Variants in CHM observed in about 807,000 individuals in gnomAD.
CHM encodes the protein CHM Rab escort protein, also known as rab proteins geranylgeranyltransferase component A 1.
A neutral mutation model predicts 49.0 loss-of-function variants in CHM; 10 were observed. The ratio of observed to expected loss-of-function variants is 0.20; its 90% confidence interval spans 0.13 to 0.35. The LOEUF (loss-of-function observed/expected upper bound fraction) is 0.35, where lower values mean the gene tolerates loss of function less well. CHM is among the 10% of genes least tolerant of loss of function. The pLI is 1.00. For missense variants in CHM, 455 were observed against 478.4 expected (o/e 0.95, Z 0.46); for synonymous variants, 184 against 167.5 (o/e 1.10, Z -0.76).
chrX:85,892,937 GTTA>G (rs1020223279), intron 12 of CHM, among the ~76,000 whole-genome samples: 12 of 111,288 alleles, frequency 1.1e-4, no homozygotes, highest in Non-Finnish European at 1.9e-4. Flanking sequence ...TTTTTTTCTA[GTTA>G]ATGATATTAT....
At chrX:85,950,206 G>GCACA (rs56073420) in intron 8 of CHM, among the ~76,000 whole-genome samples, 48 of 98,862 alleles carry the variant, frequency 4.9e-4, no homozygotes, top group South Asian at 2.3e-3. Context: ...GAAAAGCATT[G>GCACA]CACACACACA....
chrX:86,018,433 T>C (rs1415432590), intron 2 of CHM, among the ~76,000 whole-genome samples: 1 of 112,199 alleles, frequency 8.9e-6, no homozygotes, highest in Non-Finnish European at 1.9e-5. Flanking sequence ...ACACTGTTAA[T>C]GGGAAATAGT....
chrX:86,044,429 A>T (rs1934584426), intron 1 of CHM, among the ~76,000 whole-genome samples: 1 of 111,946 alleles, frequency 8.9e-6, no homozygotes, highest in Admixed American at 9.5e-5. Flanking sequence ...TGCTAGAATT[A>T]TTTTTAAAAT....
At chrX:85,898,122 T>C (rs759545671) in intron 11 of CHM, among the ~76,000 whole-genome samples, 1 of 110,902 alleles carries the variant, frequency 9.0e-6, no homozygotes, top group Admixed American at 9.5e-5. Context: ...AACTGGGCCA[T>C]TAATATTGCC....
chrX:85,907,821 A>G (rs917919219), intron 9 of CHM, among the ~76,000 whole-genome samples: 4 of 112,009 alleles, frequency 3.6e-5, no homozygotes, highest in Non-Finnish European at 1.9e-5. Flanking sequence ...ATCTTTAATC[A>G]TTTATTTAAC....
At position 85,984,237 on chromosome X, in the gene CHM, C is replaced by T. The variant is rs752189322; in HGVS notation, c.117-2428G>A. On this transcript the variant is annotated intron_variant, in intron 2 of 14. Coordinates refer to ENST00000357749, the MANE Select transcript of CHM (RefSeq NM_000390.4). Reference sequence around the variant, plus strand: ...TAAAAAATAAAAAATAAAAATAAAACTTGTTATCCAGAATATATAAAGAAC... The same window carrying T: ...TAAAAAATAAAAAATAAAAATAAAATTTGTTATCCAGAATATATAAAGAAC... Among the ~76,000 whole-genome samples the T allele has an allele frequency of 2.7e-5, 3 of 111,020 alleles. No homozygotes were observed. The East Asian group carries it at 8.4e-4, about 31-fold the overall frequency.
At chrX:85,914,420 CT>C (rs1229201997) in intron 8 of CHM, among the ~76,000 whole-genome samples, 1 of 111,120 alleles carries the variant, frequency 9.0e-6, no homozygotes, top group East Asian at 2.9e-4. Context: ...TGACAAAATC[CT>C]TGCCAGAGTT....
chrX:85,871,304 C>CAAAAAAAAAAAAAAAAAA (rs150005971), intron 14 of CHM, among the ~76,000 whole-genome samples: 1 of 62,067 alleles, frequency 1.6e-5, no homozygotes, highest in African/African-American at 7.0e-5. Flanking sequence ...AAGACTGTCT[C>CAAAAAAAAAAAAAAAAAA]AAAAAAAAAA....
chrX:85,894,302 A>C lies in CHM; in HGVS notation c.1414-18T>G. 9.1e-7 allele frequency: 1 copy of C among 1,099,729 alleles called. No individual in the cohort carries two copies. The highest frequency in any genetic ancestry group is 1.3e-6 in the Non-Finnish European group (1 of 793,723). 90.6% of individuals were successfully genotyped at this position (1,099,729 alleles called of 1,213,427 possible). On this transcript the variant is annotated intron_variant, in intron 11 of 14. Coordinates refer to ENST00000357749, the MANE Select transcript of CHM (RefSeq NM_000390.4). ...ATGGAAATCTAAAAAGCAAAAATAA[A>C]GTATCAGACACAGCTGTTAGATCTC...
chrX:85,954,191 C>T (rs779461700), intron 8 of CHM, among the ~76,000 whole-genome samples: 1 of 112,191 alleles, frequency 8.9e-6, no homozygotes, highest in South Asian at 3.7e-4. Flanking sequence ...CATCACTGAT[C>T]ATCAGAGAAA....
At chrX:85,896,153 GAA>G (rs1236621302) in intron 11 of CHM, among the ~76,000 whole-genome samples, 15 of 86,914 alleles carry the variant, frequency 1.7e-4, no homozygotes, top group Non-Finnish European at 2.8e-4. Context: ...AAAAAAAAAA[GAA>G]AAAAAAAAAG....
At chrX:85,996,464 T>C (rs1309199937) in intron 2 of CHM, among the ~76,000 whole-genome samples, 1 of 111,564 alleles carries the variant, frequency 9.0e-6, no homozygotes, top group Non-Finnish European at 1.9e-5. Flanking sequence ...ATCAACTATT[T>C]CTATAAAAGG....
Position 85,881,499 on chromosome X carries a change from G to A in CHM, c.1511-2436C>T, listed in dbSNP as rs1363255387. Among the ~76,000 whole-genome samples, 3 of 112,047 alleles carry A rather than the reference G, an allele frequency of 2.7e-5. No homozygotes were observed. In the East Asian group the frequency reaches 8.3e-4, roughly 31 times the overall value. Reference sequence around the variant, plus strand: ...AAACTGTTATTCTCATTTTACAGATGAGAAAACAGGGATGGGGGGCTATGC... The same window carrying A: ...AAACTGTTATTCTCATTTTACAGATAAGAAAACAGGGATGGGGGGCTATGC... On this transcript the variant is annotated intron_variant, in intron 12 of 14. Transcript: ENST00000357749.
At chrX:85,895,981 G>A (rs1248298137) in intron 11 of CHM, among the ~76,000 whole-genome samples, 1 of 106,786 alleles carries the variant, frequency 9.4e-6, no homozygotes, top group Non-Finnish European at 1.9e-5. Context: ...TCCGTCACCT[G>A]AACTCTGAGA....
At chrX:85,879,474 C>A (rs1924626944) in intron 12 of CHM, among the ~76,000 whole-genome samples, 1 of 109,166 alleles carries the variant, frequency 9.2e-6, no homozygotes, top group African/African-American at 3.5e-5. Context: ...ATCTAAAAAC[C>A]TTTTGGGAGA....
rs142122444 is a variant in CHM, at chrX:86,009,103, A to G, written c.116+18388T>C. 2.7e-3 allele frequency among the ~76,000 whole-genome samples: 301 copies of G among 112,221 alleles called. 1 individual carries two copies. Among genetic ancestry groups the G allele is most frequent in the Non-Finnish European group, 4.8e-3 (253 of 53,241 alleles). ...ACCAAATAGCATTTGTGAAGTGTCTACCCTCATATGGTGCTCTGCCAAGTA... is the reference window on the plus strand; with the variant it reads ...ACCAAATAGCATTTGTGAAGTGTCTGCCCTCATATGGTGCTCTGCCAAGTA... On this transcript the variant is annotated intron_variant, in intron 2 of 14. Transcript: ENST00000357749.
intron 2 of CHM, among the ~76,000 whole-genome samples, chrX:86,002,983 A>G (rs758749075): frequency 1.8e-5 from 2 of 112,116 alleles, no homozygotes; most frequent in South Asian, 3.7e-4. Flanking sequence ...ATCTCCCAGT[A>G]GGGGCCGACA....
intron 8 of CHM, among the ~76,000 whole-genome samples, chrX:85,947,736 G>A (rs1228219857): frequency 8.9e-6 from 1 of 112,040 alleles, no homozygotes. Flanking sequence ...AAAGCTATAA[G>A]CTAGAGATCA....
rs535804753 is a variant in CHM at position 85,902,099 on chromosome X, C to T, written c.1245-911G>A. 1.3e-4 allele frequency among the ~76,000 whole-genome samples: 14 copies of T among 111,848 alleles called. No homozygotes were observed. In the South Asian group the frequency reaches 4.4e-3, roughly 35 times the overall value. On this transcript the variant is annotated intron_variant, in intron 9 of 14. Coordinates refer to ENST00000357749, the MANE Select transcript of CHM (RefSeq NM_000390.4). ...GCAAATGACTGTGTGTTTGCTATAT[C>T]TTTTGATTATGGAAATATCAATTTA...
Sources: allele counts gnomAD v4.1 joint callset (sites outside exome capture counted in the v4.1 genomes callset), GRCh38; gene constraint gnomAD v4.1.1; transcripts MANE v1.5; gene names NCBI Gene and HGNC (gene_info 2026-07-23, HGNC 2026-07-21).